The following MME variants were observed in gnomAD, a reference collection of about 807,000 sequenced individuals.
MME encodes neprilysin.
A neutral mutation model predicts 113.2 loss-of-function variants in MME; 98 were observed. That is an observed-to-expected ratio of 0.87 (90% CI 0.74 to 1.02). The LOEUF (loss-of-function observed/expected upper bound fraction) is 1.02. MME is among the 50% of genes least tolerant of loss of function. The pLI, the probability that MME is intolerant of heterozygous loss-of-function variation, is 0.00. For missense variants in MME, 836 were observed against 896.0 expected (o/e 0.93, Z 0.86); for synonymous variants, 292 against 300.6 (o/e 0.97, Z 0.30).
chr3:155,179,386 T>A (rs148687120), intron 22 of MME, among the ~76,000 whole-genome samples: 1 of 152,312 alleles, frequency 6.6e-6, no homozygotes, highest in East Asian at 1.9e-4. Flanking sequence ...TTATGGAATC[T>A]GATTTAAATT....
At chr3:155,048,150 G>A (rs1409243994) in intron 1 of MME, among the ~76,000 whole-genome samples, 1 of 152,144 alleles carries the variant, frequency 6.6e-6, no homozygotes, top group African/African-American at 2.4e-5. Flanking sequence ...ATAGATAGGA[G>A]TTAGGCAGAA....
In MME at chr3:155,133,188, G is replaced by A. The variant is rs867810730; in HGVS notation, c.721-4914G>A. ...AAACCTTAAGGTAGAATCACATCTC[G>A]TACAATGGATTTAGCACGGCAGTAA... On this transcript the variant is annotated intron_variant, in intron 8 of 22. Transcript: ENST00000360490. Among the ~76,000 whole-genome samples, 3 of 150,320 alleles carry A rather than the reference G, an allele frequency of 2.0e-5. No homozygotes were observed. The Admixed American group carries it at 2.0e-4, about 10-fold the overall frequency.
chr3:155,153,106 G>A (rs1376837022), intron 16 of MME, among the ~76,000 whole-genome samples: 4 of 150,392 alleles, frequency 2.7e-5, no homozygotes, highest in East Asian at 2.0e-4. Context: ...ACACCATCTC[G>A]GCTCCCACCT....
intron 14 of MME, among the ~76,000 whole-genome samples, chr3:155,146,127 GAAATA>G (rs1303105746): frequency 1.3e-5 from 2 of 151,490 alleles, no homozygotes; most frequent in African/African-American, 2.4e-5. Flanking sequence ...AATCAAGAGA[GAAATA>G]AAATAAAAAT....
chr3:155,041,569 G>A lies in MME; in HGVS notation c.-11+17245G>A, dbSNP rs191085645. On this transcript the variant is annotated intron_variant, in intron 1 of 22. Coordinates refer to the MME transcript ENST00000492661. ...AAAGCTAATAAGAAAGAGCAATCAA[G>A]ACATGCAATTGCCACTTTAATCTTG... is the stretch of plus-strand genomic sequence containing the variant. Among the ~76,000 whole-genome samples, 33 of 152,220 alleles carry A rather than the reference G, an allele frequency of 2.2e-4. No individual in the cohort carries two copies. In the East Asian group the frequency reaches 5.4e-3, roughly 25 times the overall value.
intron 16 of MME, among the ~76,000 whole-genome samples, chr3:155,153,915 T>TA (rs1180813020): frequency 6.6e-6 from 1 of 152,130 alleles, no homozygotes; most frequent in Non-Finnish European, 1.5e-5. Flanking sequence ...GGCAGATGAT[T>TA]AAAAATTAAA....
chr3:155,111,406 A>G (rs944284802), intron 3 of MME, among the ~76,000 whole-genome samples: 1 of 152,224 alleles, frequency 6.6e-6, no homozygotes, highest in African/African-American at 2.4e-5. Context: ...AATTTTAAAG[A>G]GTGGCCCTGG....
chr3:155,063,729 T>G (rs1403751158), intron 1 of MME, among the ~76,000 whole-genome samples: 1 of 133,298 alleles, frequency 7.5e-6, no homozygotes, highest in African/African-American at 2.8e-5. Context: ...ATACCATTGC[T>G]TTCTTCCCCC....
chr3:155,144,486 A>G (rs749632520), intron 14 of MME, 29 bp downstream of exon 14: 1 of 1,426,314 alleles, frequency 7.0e-7, no homozygotes, highest in African/African-American at 1.4e-5. Context: ...ACTAGCAAAG[A>G]AAAATCTTTG....
At chr3:155,178,604 C>T (rs1017196137) in intron 22 of MME, among the ~76,000 whole-genome samples, 5 of 152,130 alleles carry the variant, frequency 3.3e-5, no homozygotes, top group Non-Finnish European at 7.3e-5. Context: ...AAGACATACA[C>T]AGTACAGCAT....
chr3:155,168,371 C>A, intron 18 of MME, 121 bp from the exon 19 acceptor site: 1 of 897,678 alleles, frequency 1.1e-6, no homozygotes, highest in Non-Finnish European at 1.8e-6. Flanking sequence ...TCTCTCTCAT[C>A]GTCTGCCTAA....
At chr3:155,113,125 A>G (rs894622836) in intron 3 of MME, among the ~76,000 whole-genome samples, 21 of 152,146 alleles carry the variant, frequency 1.4e-4, no homozygotes, top group Non-Finnish European at 2.1e-4. Flanking sequence ...GAGGAGGTTA[A>G]AGCAAAGACA....
chr3:155,114,770 A>G (rs560467762), intron 3 of MME, among the ~76,000 whole-genome samples: 5 of 152,294 alleles, frequency 3.3e-5, no homozygotes, highest in Non-Finnish European at 7.3e-5. Flanking sequence ...CCCAGGGTGG[A>G]AGGACCCACA....
rs750774953 is a variant in MME at position 155,172,569 on chromosome 3, G to A, written c.2110G>A (p.Val704Ile). ...TGGAACCTATAGGCCAGAGTATGCG[G>A]TTAACTCCATTAAAACAGATGTGCA... ...WCGTYRPEYA[V>I]NSIKTDVHSP... Residue 704 changes from valine (V) to isoleucine (I), a missense_variant, in exon 22 of 23, where the codon GTT becomes ATT. Transcript: ENST00000360490. 1.9e-6 allele frequency: 3 copies of A among 1,613,040 alleles called. No homozygotes were observed. In the East Asian group the frequency reaches 6.7e-5, roughly 36 times the overall value.
intron 3 of MME, chr3:155,090,590 A>G (rs1716202384): frequency 6.6e-6 from 1 of 152,212 alleles, no homozygotes; most frequent in African/African-American, 2.4e-5. Context: ...TCATCCTGCA[A>G]CAGTTGATAT....
intron 1 of MME, among the ~76,000 whole-genome samples, chr3:155,035,957 G>A (rs932676144): frequency 1.3e-5 from 2 of 152,162 alleles, no homozygotes; most frequent in Non-Finnish European, 2.9e-5. Flanking sequence ...ACACCACTCA[G>A]GAGGGTGCTG....
chr3:155,051,749 C>A lies in MME; in HGVS notation c.-11+27425C>A, dbSNP rs771690028. On this transcript the variant is annotated intron_variant, in intron 1 of 22. Transcript: ENST00000492661. ...GTGGGGATACAAAGCCTAACCATATCATTCCGTCTCTGACCAAATCTCATG... is the reference window on the plus strand; with the variant it reads ...GTGGGGATACAAAGCCTAACCATATAATTCCGTCTCTGACCAAATCTCATG... Among the ~76,000 whole-genome samples, 5 of 152,100 alleles carry A rather than the reference C, an allele frequency of 3.3e-5. No individual in the cohort carries two copies. The South Asian group carries it at 6.2e-4, about 19-fold the overall frequency.
intron 8 of MME, among the ~76,000 whole-genome samples, chr3:155,124,953 C>G (rs1280278716): frequency 2.0e-5 from 3 of 152,222 alleles, no homozygotes; most frequent in African/African-American, 4.8e-5. Flanking sequence ...CCACCCAGTT[C>G]GAGCTTCCGG....
intron 16 of MME, among the ~76,000 whole-genome samples, chr3:155,152,022 A>T (rs955626007): frequency 6.6e-6 from 1 of 152,106 alleles, no homozygotes; most frequent in Non-Finnish European, 1.5e-5. Context: ...AAAACACTTC[A>T]GTGTATCCCT....
Sources: gnomAD v4.1 joint callset for allele counts (sites outside exome capture counted in the v4.1 genomes callset) on GRCh38, gnomAD v4.1.1 for gene constraint, MANE v1.5 for transcripts, NCBI Gene and HGNC (gene_info 2026-07-23, HGNC 2026-07-21) for gene names.